Variants in FOXP2 observed in about 807,000 individuals in gnomAD.
FOXP2 encodes the protein forkhead box P2.
Under a neutral mutation model 115.8 loss-of-function variants are expected in FOXP2, and 12 were observed. The observed-to-expected ratio is 0.10, with a 90% CI of 0.07 to 0.17. FOXP2 has a LOEUF of 0.17. FOXP2 is among the 10% of genes least tolerant of loss of function. FOXP2 has a pLI of 1.00. For missense variants in FOXP2, 629 were observed against 843.5 expected, an observed-to-expected ratio of 0.75 and a Z score of 3.15; for synonymous variants, 328 against 297.7, an observed-to-expected ratio of 1.10 and a Z score of -1.05.
intron 3 of FOXP2, among the ~76,000 whole-genome samples, chr7:114,608,688 C>G (rs1455740367): frequency 6.6e-6 from 1 of 152,126 alleles, no homozygotes; most frequent in African/African-American, 2.4e-5. Context: ...CTGAGTGAGC[C>G]ACTCACCACT....
chr7:114,393,014 A>C (rs1332682342), intron 2 of FOXP2, among the ~76,000 whole-genome samples: 1 of 152,168 alleles, frequency 6.6e-6, no homozygotes, highest in Non-Finnish European at 1.5e-5. Context: ...GGAAAAAAGA[A>C]ATCCAGATTC....
At chr7:114,225,307 C>T (rs1473897053) in intron 1 of FOXP2, among the ~76,000 whole-genome samples, 3 of 151,592 alleles carry the variant, frequency 2.0e-5, no homozygotes, top group Non-Finnish European at 2.9e-5. Flanking sequence ...GTATGGCCTT[C>T]CCCCCCTCCC....
At chr7:114,684,806 A>T (rs1457689793) in intron 16 of FOXP2, among the ~76,000 whole-genome samples, 1 of 152,196 alleles carries the variant, frequency 6.6e-6, no homozygotes, top group African/African-American at 2.4e-5. Context: ...TCATTAGAAG[A>T]TTTCATTTGT....
intron 2 of FOXP2, among the ~76,000 whole-genome samples, chr7:114,394,080 G>A (rs1468644279): frequency 1.3e-5 from 2 of 151,284 alleles, no homozygotes; most frequent in Non-Finnish European, 2.9e-5. Context: ...TACTCCAAAA[G>A]CAATTAGCAC....
At chr7:114,676,621 A>G (rs1807781302) in intron 16 of FOXP2, among the ~76,000 whole-genome samples, 1 of 152,196 alleles carries the variant, frequency 6.6e-6, no homozygotes, top group African/African-American at 2.4e-5. Flanking sequence ...GTGTGCTAGG[A>G]CAGGTGACAA....
At chr7:114,233,361 A>T (rs1000392101) in intron 1 of FOXP2, among the ~76,000 whole-genome samples, 4 of 152,222 alleles carry the variant, frequency 2.6e-5, no homozygotes, top group Non-Finnish European at 5.9e-5. Flanking sequence ...CAGAGTATAT[A>T]AAATATTTAA....
intron 1 of FOXP2, among the ~76,000 whole-genome samples, chr7:114,224,338 C>T (rs1427323126): frequency 6.6e-6 from 1 of 152,058 alleles, no homozygotes; most frequent in East Asian, 1.9e-4. Context: ...AGCATTGACT[C>T]CATAAATCAG....
chr7:114,106,462 A>C (rs1445139210), intron 1 of FOXP2, among the ~76,000 whole-genome samples: 2 of 151,756 alleles, frequency 1.3e-5, no homozygotes, highest in African/African-American at 4.8e-5. Context: ...TTGTTTTGCT[A>C]AAAGAGCATC....
intron 3 of FOXP2, among the ~76,000 whole-genome samples, chr7:114,576,912 AGT>A (rs1801603656): frequency 6.6e-6 from 1 of 151,994 alleles, no homozygotes; most frequent in African/African-American, 2.4e-5. Context: ...TTGTCATTTT[AGT>A]GTATAAATTT....
At chr7:114,147,498 C>T (rs773910600) in intron 1 of FOXP2, among the ~76,000 whole-genome samples, 2 of 152,110 alleles carry the variant, frequency 1.3e-5, no homozygotes, top group South Asian at 2.1e-4. Flanking sequence ...CCATCACCCC[C>T]AGAGAAGCAA....
intron 2 of FOXP2, among the ~76,000 whole-genome samples, chr7:114,531,694 A>G (rs1799150725): frequency 6.6e-6 from 1 of 151,980 alleles, no homozygotes; most frequent in Non-Finnish European, 1.5e-5. Context: ...AGTTTGTATT[A>G]AAAGATGATC....
chr7:114,331,512 A>C (rs775698662), intron 2 of FOXP2, among the ~76,000 whole-genome samples: 3 of 152,172 alleles, frequency 2.0e-5, no homozygotes, highest in Non-Finnish European at 4.4e-5. Flanking sequence ...GTGCCAAGAA[A>C]TATGTGAACT....
intron 2 of FOXP2, among the ~76,000 whole-genome samples, chr7:114,494,539 A>G (rs947156091): frequency 3.3e-5 from 5 of 152,168 alleles, no homozygotes; most frequent in African/African-American, 1.2e-4. Flanking sequence ...CTGTGGAATA[A>G]ACATTGAAAA....
intron 1 of FOXP2, among the ~76,000 whole-genome samples, chr7:114,096,565 C>T (rs1799656256): frequency 6.6e-6 from 1 of 152,142 alleles, no homozygotes; most frequent in Non-Finnish European, 1.5e-5. Context: ...ATTTTTACAT[C>T]TTTTCTCTTT....
chr7:114,528,596 T>C (rs1325132905), intron 2 of FOXP2, among the ~76,000 whole-genome samples: 1 of 152,062 alleles, frequency 6.6e-6, no homozygotes, highest in South Asian at 2.1e-4. Context: ...TACTTTTAAG[T>C]TGAAGAGCAT....
intron 3 of FOXP2, among the ~76,000 whole-genome samples, chr7:114,550,148 C>G (rs189955764): frequency 0.012 from 1,533 of 129,596 alleles, 25 homozygotes; most frequent in African/African-American, 0.04. Context: ...GATGGAGTCT[C>G]GCTCTGTCGC....
At chr7:114,352,855 G>T (rs1210487157) in intron 2 of FOXP2, among the ~76,000 whole-genome samples, 1 of 152,052 alleles carries the variant, frequency 6.6e-6, no homozygotes, top group Non-Finnish European at 1.5e-5. Context: ...AATTCTAATA[G>T]TTTAAAATTT....
intron 2 of FOXP2, among the ~76,000 whole-genome samples, chr7:114,435,978 A>C (rs935988377): frequency 6.6e-6 from 1 of 152,206 alleles, no homozygotes; most frequent in Non-Finnish European, 1.5e-5. Flanking sequence ...AAGAAAAAGA[A>C]AAGGAGAAAT....
At chr7:114,483,798 G>A (rs1481882387) in intron 2 of FOXP2, among the ~76,000 whole-genome samples, 1 of 151,604 alleles carries the variant, frequency 6.6e-6, no homozygotes, top group African/African-American at 2.4e-5. Context: ...AAGATTAATG[G>A]ACAATTAATA....
Sources: allele counts gnomAD v4.1 joint callset (sites outside exome capture counted in the v4.1 genomes callset), GRCh38; gene constraint gnomAD v4.1.1; transcripts MANE v1.5; gene names NCBI Gene and HGNC (gene_info 2026-07-23, HGNC 2026-07-21).